SZT2: variants seen among roughly 807,000 people sequenced by gnomAD.
The protein encoded by SZT2 is KICSTOR complex protein SZT2.
In SZT2, 216 loss-of-function variants were observed where a neutral mutation model predicts 404.2. That is an observed-to-expected ratio of 0.53 (90% CI 0.48 to 0.60). The LOEUF (loss-of-function observed/expected upper bound fraction) is 0.60. Ranked by LOEUF, SZT2 falls within the 20% of genes least tolerant of loss-of-function variation. The pLI is 0.00. For missense variants in SZT2, 3,857 were observed against 4,459.2 expected, an observed-to-expected ratio of 0.86 and a Z score of 3.85; for synonymous variants, 1,693 against 1,749.9, an observed-to-expected ratio of 0.97 and a Z score of 0.81.
intron 7 of SZT2, 35 bp downstream of exon 7, chr1:43,416,676 G>C: frequency 2.0e-6 from 3 of 1,493,452 alleles, no homozygotes; most frequent in Non-Finnish European, 1.8e-6. Flanking sequence ...GAGAGATATG[G>C]AATATCTCAC....
At position 43,442,298 on chromosome 1, in the gene SZT2, G is replaced by A. The variant is rs890185588; in HGVS notation, c.7904G>A (p.Gly2635Glu). 3.1e-6 allele frequency: 5 copies of A among 1,613,992 alleles called. No homozygotes were observed. The African/African-American group carries it at 6.7e-5, about 22-fold the overall frequency. The change falls in exon 57 of 72, where the codon GGA becomes GAA. Residue 2635 changes from glycine to glutamate, a missense_variant. By Grantham distance (98) the Gly-to-Glu change is moderately conservative (BLOSUM62 -2). Around this residue, in one of 7 missense-constraint regions of SZT2, gnomAD observed 573 missense variants for 592.4 expected, o/e 0.97. Coordinates refer to ENST00000634258, the MANE Select transcript of SZT2 (RefSeq NM_001365999.1). This position sits in a 1 kb window ranked among gnomAD's most constrained non-coding sequence, Gnocchi z 4.5. ...AAAGCCATGCAGCGCTTCGAGCCAG[G>A]AGGTGATGGGAGCTCAGGGCGAAAT... ...AAKAMQRFEP[G>E]GDGSSGRNAP...
Position 43,430,111 on chromosome 1 carries a change from G to A in SZT2, c.4401+8G>A, listed in dbSNP as rs764630174. On this transcript the variant is annotated splice_region_variant and intron_variant, in intron 30 of 71. Coordinates refer to ENST00000634258, the MANE Select transcript of SZT2 (RefSeq NM_001365999.1). ...CCATCCAGCAGGCGAGAAGTGAGTGGCTCTCTTCCTTACCTCTCTCGTGCC... is the reference window on the plus strand; with the variant it reads ...CCATCCAGCAGGCGAGAAGTGAGTGACTCTCTTCCTTACCTCTCTCGTGCC... 4.6e-5 allele frequency: 74 copies of A among 1,613,688 alleles called. No homozygotes were observed. In the East Asian group the frequency reaches 1.6e-3, roughly 35 times the overall value.
chr1:43,412,694 G>A (rs1651216690), intron 4 of SZT2: 1 of 152,092 alleles, frequency 6.6e-6, no homozygotes, highest in South Asian at 2.1e-4. Context: ...AATAAACAAA[G>A]TGAGGAAACA....
rs1350899208 is a variant in SZT2, at chr1:43,441,267, C to T, written c.7398C>T (p.Val2466=). ...LGSPKTTDDI[V]LDRPEDTRGR... Reference sequence around the variant, plus strand: ...CCCCCAAAACAACTGATGACATTGTCCTGGATCGGCCAGAAGACACTCGGG... The same window carrying T: ...CCCCCAAAACAACTGATGACATTGTTCTGGATCGGCCAGAAGACACTCGGG... The change falls in exon 53 of 72, where the codon GTC becomes GTT. Residue 2466 remains valine (V), a synonymous_variant. Transcript: ENST00000634258. This position sits in a 1 kb window ranked among gnomAD's most constrained non-coding sequence, Gnocchi z 4.8. 1.2e-6 allele frequency: 2 copies of T among 1,614,126 alleles called. No homozygotes were observed. The highest frequency in any genetic ancestry group is 1.1e-5 in the South Asian group (1 of 91,086).
chr1:43,407,218 T>A (rs1040425175), intron 4 of SZT2, among the ~76,000 whole-genome samples: 3 of 152,100 alleles, frequency 2.0e-5, no homozygotes, highest in African/African-American at 7.2e-5. Context: ...TCAAGATGTA[T>A]CCTGGCTGGG....
rs759925426 is a variant in SZT2, at chr1:43,427,301, T to TGTG, written c.3456_3458dup (p.Gly1153dup). On this transcript the variant is annotated inframe_insertion, in exon 25 of 72. Transcript: ENST00000634258. Reference sequence around the variant, plus strand: ...TTCAGATGTCCAGCGTCTGGCTGCCTGTGGCCTGGAGGGACCCCCTCAAGA... The same window carrying TGTG: ...TTCAGATGTCCAGCGTCTGGCTGCCTGTGGTGGCCTGGAGGGACCCCCTCAAGA... 1.2e-6 allele frequency: 2 copies of TGTG among 1,611,074 alleles called. No homozygotes were observed. Among genetic ancestry groups the TGTG allele is most frequent in the Non-Finnish European group, 1.7e-6 (2 of 1,178,492 alleles).
At position 43,441,333 on chromosome 1, in the gene SZT2, T is replaced by C; in HGVS notation, c.7464T>C (p.Gly2488=). ...AAACCGAGAGTGTTCGGACTCCTGGTGGAGCTGAGCGGGCGCCAGGCTCAG... is the reference window on the plus strand; with the variant it reads ...AAACCGAGAGTGTTCGGACTCCTGGCGGAGCTGAGCGGGCGCCAGGCTCAG... ...RHKTESVRTP[G]GAERAPGSDS... is the part of the protein sequence containing the mutation. The change falls in exon 53 of 72, where the codon GGT becomes GGC. Residue 2488 remains glycine (G), a synonymous_variant. Coordinates refer to ENST00000634258, the MANE Select transcript of SZT2 (RefSeq NM_001365999.1). The surrounding 1 kb of genome is among the most constrained non-coding windows in gnomAD (Gnocchi z 4.8). 1 of 1,614,132 alleles carries C rather than the reference T, an allele frequency of 6.2e-7. No individual in the cohort carries two copies. Among genetic ancestry groups the C allele is most frequent in the Non-Finnish European group, 8.5e-7 (1 of 1,180,006 alleles).
intron 66 of SZT2, 145 bp from the exon 67 acceptor site, chr1:43,447,399 TC>T (rs1655806254): frequency 8.3e-7 from 1 of 1,200,150 alleles, no homozygotes; most frequent in Non-Finnish European, 1.2e-6. Context: ...ATCTCAGTGT[TC>T]CACAGGAATG....
At position 43,453,790 on chromosome 1, in the gene SZT2, C is replaced by G. The variant is rs754502980; in HGVS notation, c.*3310C>G. 7.8e-7 allele frequency: 1 copy of G among 1,280,472 alleles called. No homozygotes were observed. The highest frequency in any genetic ancestry group is 3.1e-5 in the East Asian group (1 of 32,122). 79.3% of individuals were successfully genotyped at this position (1,280,472 alleles called of 1,614,324 possible). A position where few individuals can be genotyped will look rare whatever the true frequency, so the allele number is the denominator to read the frequency against. ...AGATTGGCGGAGAAGCGCAGCGGCG[C>G]CATGCCTGGGGAGGCCGGGCCGGGC... On this transcript the variant is annotated 3_prime_UTR_variant, in exon 72 of 72. Transcript: ENST00000634258.
intron 2 of SZT2, 133 bp from the exon 3 acceptor site, chr1:43,403,464 AGAGT>A (rs1649926455): frequency 7.2e-7 from 1 of 1,394,580 alleles, no homozygotes; most frequent in Non-Finnish European, 9.6e-7. Flanking sequence ...ATTTTTCCAG[AGAGT>A]GAGAGGAAGA....
At position 43,441,176 on chromosome 1, in the gene SZT2, TC is replaced by T. The variant is rs1655021202; in HGVS notation, c.7345-35del. The T allele has an allele frequency of 1.2e-6, 2 of 1,602,978 alleles. No homozygotes were observed. Among genetic ancestry groups the T allele is most frequent in the African/African-American group, 2.7e-5 (2 of 74,762 alleles). On this transcript the variant is annotated intron_variant, in intron 52 of 71. Transcript: ENST00000634258. This position sits in a 1 kb window ranked among gnomAD's most constrained non-coding sequence, Gnocchi z 4.8. ...TGCCCCCATCCCACACCTTTCCTCT[TC>T]CCAGTAGCCCTTCCTCATTCACTGC...
At position 43,422,525 on chromosome 1, in the gene SZT2, C is replaced by T. The variant is rs1242058270; in HGVS notation, c.1815C>T (p.Tyr605=). ...ACACCCCGGGCAGCAATGGGCGCTACAGCACTATCCAGTGCAGGATCTCCC... is the reference window on the plus strand; with the variant it reads ...ACACCCCGGGCAGCAATGGGCGCTATAGCACTATCCAGTGCAGGATCTCCC... ...HLHTPGSNGR[Y]STIQCRISHS... The change falls in exon 13 of 72, where the codon TAC becomes TAT. Residue 605 remains tyrosine, a synonymous_variant. Transcript: ENST00000634258. 11 of 1,597,848 alleles carry T rather than the reference C, an allele frequency of 6.9e-6. No homozygotes were observed. The highest frequency in any genetic ancestry group is 3.3e-5 in the Admixed American group (2 of 59,976).
Position 43,451,367 on chromosome 1 carries a change from TC to T in SZT2, c.*889del. ...GCCCACAAGGAGAAAACAGCCCCTG[TC>T]CGGGTCCCTCCAGAGCTCCCTTCCC... On this transcript the variant is annotated 3_prime_UTR_variant, in exon 72 of 72. Transcript: ENST00000634258. 6.2e-7 allele frequency: 1 copy of T among 1,612,066 alleles called. No individual in the cohort carries two copies. Among genetic ancestry groups the T allele is most frequent in the South Asian group, 1.1e-5 (1 of 91,082 alleles).
At chr1:43,402,087 A>G (rs974548341) in intron 1 of SZT2, among the ~76,000 whole-genome samples, 3 of 152,140 alleles carry the variant, frequency 2.0e-5, no homozygotes, top group Admixed American at 2.0e-4. Context: ...CTTTCTTTCA[A>G]CATCATGTTT....
At chr1:43,438,628 T>C (rs1286622463) in intron 46 of SZT2, 71 bp from the exon 47 acceptor site, 1 of 1,435,654 alleles carries the variant, frequency 7.0e-7, no homozygotes, top group Non-Finnish European at 9.7e-7. Context: ...GAGTTTGGCA[T>C]GATAGGGCTG....
Position 43,430,680 on chromosome 1 carries a change from T to C in SZT2, c.4665T>C (p.Pro1555=), listed in dbSNP as rs1653762880. The C allele has an allele frequency of 1.9e-6, 3 of 1,614,038 alleles. No homozygotes were observed. In the South Asian group the frequency reaches 3.3e-5, roughly 18 times the overall value. Residue 1555 remains proline, a synonymous_variant, in exon 32 of 72, where the codon CCT becomes CCC. Transcript: ENST00000634258. ...SILGGDSPTG[P]ESFLHDLPPL... ...TGGGGGGCGACTCACCCACTGGGCC[T>C]GAGAGCTTCCTTCATGACCTGCCAC...
In SZT2 at chr1:43,441,997, T is replaced by C. The variant is rs371132362; in HGVS notation, c.7743-3T>C. Reference sequence around the variant, plus strand: ...CCTTTCTGTCTGTCCTCCCTTTCAATAGGGGTTCAGAGCCAGAGATCTTCG... The same window carrying C: ...CCTTTCTGTCTGTCCTCCCTTTCAACAGGGGTTCAGAGCCAGAGATCTTCG... On this transcript the variant is annotated splice_region_variant and splice_polypyrimidine_tract_variant and intron_variant, in intron 55 of 71. Coordinates refer to ENST00000634258, the MANE Select transcript of SZT2 (RefSeq NM_001365999.1). The surrounding 1 kb of genome is among the most constrained non-coding windows in gnomAD (Gnocchi z 4.8). 5.0e-6 allele frequency: 8 copies of C among 1,610,902 alleles called. No individual in the cohort carries two copies. The highest frequency in any genetic ancestry group is 2.7e-5 in the African/African-American group (2 of 74,850).
chr1:43,432,198 A>G (rs1653976545), intron 36 of SZT2, 74 bp from the exon 37 acceptor site: 1 of 1,451,434 alleles, frequency 6.9e-7, no homozygotes, highest in Non-Finnish European at 9.3e-7. Context: ...GGAGCGTCTC[A>G]TGAGGAAGTG....
intron 62 of SZT2, 34 bp downstream of exon 62, chr1:43,443,830 C>T: frequency 6.2e-7 from 1 of 1,611,038 alleles, no homozygotes; most frequent in Non-Finnish European, 8.5e-7. Flanking sequence ...TCTGTCTTCT[C>T]CTCCTGCACT....
Sources: gnomAD v4.1 joint callset for allele counts (sites outside exome capture counted in the v4.1 genomes callset) on GRCh38, gnomAD v4.1.1 for gene constraint, gnomAD v4.1.1 regional missense constraint, Gnocchi (gnomAD v3.1) non-coding constraint, MANE v1.5 for transcripts, NCBI Gene and HGNC (gene_info 2026-07-23, HGNC 2026-07-21) for gene names.